ZNF473: variants seen among roughly 807,000 people sequenced by gnomAD.
ZNF473 encodes the protein zinc finger protein 100 homolog.
Under a neutral mutation model 11.1 loss-of-function variants are expected in ZNF473, and 4 were observed. The ratio of observed to expected loss-of-function variants is 0.36; its 90% CI spans 0.18 to 0.82. The LOEUF (loss-of-function observed/expected upper bound fraction) is 0.82. ZNF473 is among the 40% of genes least tolerant of loss of function. The pLI, the probability that ZNF473 is intolerant of heterozygous loss-of-function variation, is 0.49. For missense variants in ZNF473, 854 were observed against 1,084.0 expected, an observed-to-expected ratio of 0.79 and a Z score of 2.98; for synonymous variants, 404 against 390.4, an observed-to-expected ratio of 1.03 and a Z score of -0.41.
At chr19:50,037,356 A>C (rs1978505840) in intron 2 of ZNF473, among the ~76,000 whole-genome samples, 1 of 152,198 alleles carries the variant, frequency 6.6e-6, no homozygotes, top group Non-Finnish European at 1.5e-5. Context: ...CCTCAGACCC[A>C]AACTAAAGAG....
At chr19:50,043,462 T>A (rs1197692904) in intron 4 of ZNF473, 1 of 143,570 alleles carries the variant, frequency 7.0e-6, no homozygotes, top group East Asian at 2.0e-4. Flanking sequence ...TATATATATA[T>A]ATATATATAT....
At chr19:50,027,474 G>C (rs2077292103) in intron 1 of ZNF473, among the ~76,000 whole-genome samples, 2 of 152,170 alleles carry the variant, frequency 1.3e-5, no homozygotes, top group South Asian at 4.1e-4. Context: ...TTTGGCTTAA[G>C]TCACTCTGGG....
chr19:50,031,164 G>A (rs1040234887), intron 2 of ZNF473, 73 bp downstream of exon 2: 26 of 1,545,352 alleles, frequency 1.7e-5, no homozygotes, highest in East Asian at 2.4e-5. Flanking sequence ...TTGTGGCCGA[G>A]GCGAGTTGAA....
In ZNF473 at chr19:50,039,087, G is replaced by A; in HGVS notation, c.10-74G>A. On this transcript the variant is annotated intron_variant, in intron 2 of 4. Transcript: ENST00000270617. This position sits in a 1 kb window ranked among gnomAD's most constrained non-coding sequence, Gnocchi z 4.8. ...AAAGCCCTGGCAGATTGAGGGCTGG[G>A]AGTGCCCTGAGTGAGCTGTTGGGCT... The A allele has an allele frequency of 3.2e-6, 5 of 1,583,538 alleles. No homozygotes were observed. The highest frequency in any genetic ancestry group is 1.7e-4 in the Middle Eastern group (1 of 5,948).
rs1321168997 is a variant in ZNF473 at position 50,045,554 on chromosome 19, G to A, written c.1111G>A (p.Ala371Thr). ...CATCCAACATCAGAAAACTCACGCTGCAAAAACTACCTCTGAGTGTCAGGA... is the reference window on the plus strand; with the variant it reads ...CATCCAACATCAGAAAACTCACGCTACAAAAACTACCTCTGAGTGTCAGGA... Reference protein sequence around the residue: ...HLIQHQKTHAAKTTSECQECG... With the variant: ...HLIQHQKTHATKTTSECQECG... The change falls in exon 5 of 5, where the codon GCA becomes ACA. Residue 371 changes from alanine (A) to threonine (T), a missense_variant. Around this residue, in one of 2 missense-constraint regions of ZNF473, gnomAD observed 668 missense variants for 790.2 expected, o/e 0.85. Coordinates refer to ENST00000270617, the MANE Select transcript of ZNF473 (RefSeq NM_015428.4). 2 of 1,614,208 alleles carry A rather than the reference G, an allele frequency of 1.2e-6. No homozygotes were observed. Among genetic ancestry groups the A allele is most frequent in the Non-Finnish European group, 1.7e-6 (2 of 1,180,048 alleles).
intron 2 of ZNF473, among the ~76,000 whole-genome samples, chr19:50,035,276 G>A (rs1978354089): frequency 6.6e-6 from 1 of 151,922 alleles, no homozygotes; most frequent in African/African-American, 2.4e-5. Context: ...CTGGGTGACA[G>A]TGAGACCCTA....
rs1979033933 is a variant in ZNF473, at chr19:50,045,452, C to T, written c.1009C>T (p.Arg337Trp). ...KAFTRIFHLT[R>W]HQKIHTRKRY... ...TTTTACCCGGATCTTCCACCTTACT[C>T]GGCACCAGAAGATCCACACTCGGAA... The change falls in exon 5 of 5, where the codon CGG (arginine) becomes TGG (tryptophan). Residue 337 changes from arginine (R) to tryptophan (W), a missense_variant. By Grantham distance (101) the Arg-to-Trp change is moderately radical (BLOSUM62 -3). Around this residue, in one of 2 missense-constraint regions of ZNF473, gnomAD observed 668 missense variants for 790.2 expected, o/e 0.85. Coordinates refer to ENST00000270617, the MANE Select transcript of ZNF473 (RefSeq NM_015428.4). The T allele has an allele frequency of 5.0e-6, 8 of 1,613,652 alleles. No individual in the cohort carries two copies. The highest frequency in any genetic ancestry group is 1.7e-5 in the Admixed American group (1 of 59,980).
chr19:50,046,591 C>T lies in ZNF473; in HGVS notation c.2148C>T (p.Cys716=). 3 of 1,614,236 alleles carry T rather than the reference C, an allele frequency of 1.9e-6. No individual in the cohort carries two copies. The highest frequency in any genetic ancestry group is 2.5e-6 in the Non-Finnish European group (3 of 1,180,046). ...ECGKTFRQSS[C]LSKHQRIHSG... is the part of the protein sequence containing the mutation. ...GGAAAACGTTCCGTCAGAGCTCATG[C>T]CTTTCTAAGCATCAGAGAATTCACT... The change falls in exon 5 of 5, where the codon TGC becomes TGT. Residue 716 remains cysteine, a synonymous_variant. Transcript: ENST00000270617. This position sits in a 1 kb window ranked among gnomAD's most constrained non-coding sequence, Gnocchi z 5.9.
intron 2 of ZNF473, among the ~76,000 whole-genome samples, chr19:50,033,355 G>C (rs1029405513): frequency 8.5e-5 from 13 of 152,128 alleles, no homozygotes; most frequent in African/African-American, 2.9e-4. Context: ...GAGCAGGAAA[G>C]GGGGAGAAGG....
chr19:50,026,955 G>A (rs1158137934), intron 1 of ZNF473, among the ~76,000 whole-genome samples: 2 of 152,136 alleles, frequency 1.3e-5, no homozygotes, highest in Non-Finnish European at 2.9e-5. Context: ...CGATGGATGG[G>A]AGTTCTTCGG....
Position 50,045,760 on chromosome 19 carries a change from C to T in ZNF473, c.1317C>T (p.Ala439=), listed in dbSNP as rs751770026. ...ACAAATGCAGTGAGTGTGGGAAGGC[C>T]TTCCACCGGCACACTCACCTTAATG... The part of the protein sequence containing the change: ...KPYKCSECGK[A]FHRHTHLNEH... The change falls in exon 5 of 5, where the codon GCC becomes GCT. Residue 439 remains alanine (A), a synonymous_variant. Transcript: ENST00000270617. 1 of 1,614,118 alleles carries T rather than the reference C, an allele frequency of 6.2e-7. No individual in the cohort carries two copies. The highest frequency in any genetic ancestry group is 1.3e-5 in the African/African-American group (1 of 75,014).
At chr19:50,034,475 G>A (rs941279900) in intron 2 of ZNF473, among the ~76,000 whole-genome samples, 4 of 152,078 alleles carry the variant, frequency 2.6e-5, no homozygotes, top group African/African-American at 9.7e-5. Flanking sequence ...TAATGAAGGC[G>A]AACGCCACCT....
At chr19:50,038,410 T>C (rs1978588928) in intron 2 of ZNF473, among the ~76,000 whole-genome samples, 1 of 152,074 alleles carries the variant, frequency 6.6e-6, no homozygotes, top group Non-Finnish European at 1.5e-5. Context: ...TGAGTGGGTC[T>C]TTCCCCCAGA....
At chr19:50,043,488 C>A (rs1331518355) in intron 4 of ZNF473, 2 of 142,018 alleles carry the variant, frequency 1.4e-5, no homozygotes, top group Non-Finnish European at 3.0e-5. Flanking sequence ...CAGAGGGGTT[C>A]AAATCCTCAG....
intron 3 of ZNF473, among the ~76,000 whole-genome samples, chr19:50,040,150 TG>T (rs1270794967): frequency 6.6e-6 from 1 of 152,192 alleles, no homozygotes; most frequent in African/African-American, 2.4e-5. Flanking sequence ...CTCATGGCTA[TG>T]ACTTACTACA....
Position 50,045,313 on chromosome 19 carries a change from A to G in ZNF473, c.870A>G (p.Lys290=). The change falls in exon 5 of 5, where the codon AAA becomes AAG. Residue 290 remains lysine, a synonymous_variant. Transcript: ENST00000270617. ...LWHQKTHTGE[K]PCKSQDSDHP... ...ATCAGAAAACTCACACTGGAGAAAA[A>G]CCATGTAAGAGTCAAGATAGTGACC... 6.2e-7 allele frequency: 1 copy of G among 1,614,106 alleles called. No homozygotes were observed. Among genetic ancestry groups the G allele is most frequent in the Non-Finnish European group, 8.5e-7 (1 of 1,180,020 alleles).
At chr19:50,032,785 C>A (rs1436814672) in intron 2 of ZNF473, among the ~76,000 whole-genome samples, 1 of 152,162 alleles carries the variant, frequency 6.6e-6, no homozygotes, top group Non-Finnish European at 1.5e-5. Context: ...CCAGGCCTCT[C>A]CCCTGTGTTC....
chr19:50,045,843 G>T lies in ZNF473; in HGVS notation c.1400G>T (p.Ser467Ile), dbSNP rs774638945. ...CACAAATGTCAGGAATGCGTCAGGA[G>T]TTTCAGCCGGCCCTCACATCTGATG... is the stretch of plus-strand genomic sequence containing the variant. Reference protein sequence around the residue: ...RPHKCQECVRSFSRPSHLMRH... With the variant: ...RPHKCQECVRIFSRPSHLMRH... The change falls in exon 5 of 5, where the codon AGT (serine) becomes ATT (isoleucine). Residue 467 changes from serine (S) to isoleucine (I), a missense_variant. Transcript: ENST00000270617. The T allele has an allele frequency of 9.3e-6, 15 of 1,613,944 alleles. 1 individual carries two copies. The South Asian group carries it at 1.4e-4, about 15-fold the overall frequency.
chr19:50,032,234 C>T (rs975966921), intron 2 of ZNF473, among the ~76,000 whole-genome samples: 1 of 150,716 alleles, frequency 6.6e-6, no homozygotes, highest in Non-Finnish European at 1.5e-5. Flanking sequence ...AAAGGAAGCC[C>T]CTCAAAGGTC....
Sources: gnomAD v4.1 joint callset for allele counts (sites outside exome capture counted in the v4.1 genomes callset) on GRCh38, gnomAD v4.1.1 for gene constraint, gnomAD v4.1.1 regional missense constraint, Gnocchi (gnomAD v3.1) non-coding constraint, MANE v1.5 for transcripts, NCBI Gene and HGNC (gene_info 2026-07-23, HGNC 2026-07-21) for gene names.